PKD2L1: variants seen among roughly 807,000 people sequenced by gnomAD.
PKD2L1 encodes polycystin 2 like 1, transient receptor potential cation channel, also known as polycystin-2-like protein 1.
A neutral mutation model predicts 93.0 loss-of-function variants in PKD2L1; 77 were observed. The ratio of observed to expected loss-of-function variants is 0.83; its 90% CI spans 0.69 to 1.00. PKD2L1 has a LOEUF of 1.00. Among genes scored for constraint, PKD2L1 ranks in the 50% least tolerant of loss-of-function variants. The pLI is 0.00. For synonymous variants in PKD2L1, 390 were observed against 388.0 expected (o/e 1.01, Z -0.06); for missense variants, 977 against 990.9 (o/e 0.99, Z 0.19).
intron 15 of PKD2L1, 130 bp downstream of exon 15, chr10:100,288,842 C>G: frequency 3.4e-6 from 2 of 596,852 alleles, no homozygotes; most frequent in Non-Finnish European, 5.9e-6. Context: ...AGGCCAGATG[C>G]AGGGTGGGGC....
At chr10:100,321,108 G>A (rs1849216580) in intron 2 of PKD2L1, among the ~76,000 whole-genome samples, 1 of 152,178 alleles carries the variant, frequency 6.6e-6, no homozygotes, top group African/African-American at 2.4e-5. Flanking sequence ...CAGCACTTTG[G>A]GAAACTGAGG....
rs772968231 is a variant in PKD2L1 at position 100,294,623 on chromosome 10, A to G, written c.1571T>C (p.Phe524Ser). ...GGCATTGTCGATAGCATTGTAGTCAAAGTCCCCGAGGATTATCCGGAACTG... is the reference window on the plus strand; with the variant it reads ...GGCATTGTCGATAGCATTGTAGTCAGAGTCCCCGAGGATTATCCGGAACTG... ...FTQFRIILGD[F>S]DYNAIDNANR... The change falls in exon 9 of 16, where the codon TTT (phenylalanine) becomes TCT (serine). Residue 524 changes from phenylalanine to serine, a missense_variant. By Grantham distance (155) the Phe-to-Ser change is radical. Transcript: ENST00000318222. 4 of 1,614,084 alleles carry G rather than the reference A, an allele frequency of 2.5e-6. No homozygotes were observed. Among genetic ancestry groups the G allele is most frequent in the South Asian group, 1.1e-5 (1 of 91,070 alleles).
At position 100,294,999 on chromosome 10, in the gene PKD2L1, A is replaced by T; in HGVS notation, c.1481T>A (p.Leu494His). ...TTGGGTCCCGAAAAGCAGGTAGCCGAGTTGGGCATAGGCGAAGAAAACAAT... is the reference window on the plus strand; with the variant it reads ...TTGGGTCCCGAAAAGCAGGTAGCCGTGTTGGGCATAGGCGAAGAAAACAAT... ...FFIVFFAYAQ[L>H]GYLLFGTQVE... Residue 494 changes from leucine (L) to histidine (H), a missense_variant, in exon 8 of 16, where the codon CTC becomes CAC. Leu to His is a moderately conservative substitution (Grantham distance 99, BLOSUM62 -3). Coordinates refer to ENST00000318222, the MANE Select transcript of PKD2L1 (RefSeq NM_016112.3). 1 of 1,614,220 alleles carries T rather than the reference A, an allele frequency of 6.2e-7. No individual in the cohort carries two copies. Among genetic ancestry groups the T allele is most frequent in the Non-Finnish European group, 8.5e-7 (1 of 1,180,030 alleles).
At chr10:100,302,925 TG>T (rs1280601788) in intron 2 of PKD2L1, among the ~76,000 whole-genome samples, 4 of 152,220 alleles carry the variant, frequency 2.6e-5, no homozygotes, top group Non-Finnish European at 5.9e-5. Context: ...AGAATATCCT[TG>T]TTTTTTAGAA....
Position 100,290,093 on chromosome 10 carries a change from T to C in PKD2L1, c.2172A>G (p.Val724=). The C allele has an allele frequency of 1.2e-6, 2 of 1,614,054 alleles. No individual in the cohort carries two copies. The highest frequency in any genetic ancestry group is 1.7e-6 in the Non-Finnish European group (2 of 1,179,916). ...AGCCTACAGCATCAATCTGGGACACTACTCCTTCCAGGACAGTCTCCAGCT... is the reference window on the plus strand; with the variant it reads ...AGCCTACAGCATCAATCTGGGACACCACTCCTTCCAGGACAGTCTCCAGCT... ...VLQLETVLEG[V]VSQIDAVGSK... is the part of the protein sequence containing the mutation. The change falls in exon 14 of 16, where the codon GTA becomes GTG. Residue 724 remains valine (V), a synonymous_variant. Coordinates refer to ENST00000318222, the MANE Select transcript of PKD2L1 (RefSeq NM_016112.3).
chr10:100,326,843 C>T (rs752009580), intron 2 of PKD2L1, among the ~76,000 whole-genome samples: 4 of 152,132 alleles, frequency 2.6e-5, no homozygotes, highest in South Asian at 2.1e-4. Flanking sequence ...AAATTTGGAG[C>T]CCATGCCTTC....
At position 100,296,109 on chromosome 10, in the gene PKD2L1, G is replaced by C. The variant is rs1363599602; in HGVS notation, c.1356+13C>G. 11 of 1,598,420 alleles carry C rather than the reference G, an allele frequency of 6.9e-6. No individual in the cohort carries two copies. Among genetic ancestry groups the C allele is most frequent in the Non-Finnish European group, 2.6e-6 (3 of 1,172,914 alleles). ...CGCCTTGAAGCAAAGCTGGGTGTGG[G>C]AATCCCAGGTACCTTGATCCAGGCG... On this transcript the variant is annotated intron_variant, in intron 7 of 15. Coordinates refer to ENST00000318222, the MANE Select transcript of PKD2L1 (RefSeq NM_016112.3).
At chr10:100,323,793 G>T (rs977944281) in intron 2 of PKD2L1, among the ~76,000 whole-genome samples, 4 of 152,074 alleles carry the variant, frequency 2.6e-5, no homozygotes, top group African/African-American at 7.2e-5. Flanking sequence ...CTGAAAAGTT[G>T]TTTTTAATAC....
At chr10:100,296,316 T>C in intron 6 of PKD2L1, 24 bp from the exon 7 acceptor site, 1 of 1,542,722 alleles carries the variant, frequency 6.5e-7, no homozygotes, top group South Asian at 1.3e-5. Flanking sequence ...GTCATGGGGG[T>C]GTCAGAGAAG....
At chr10:100,323,276 A>G (rs1849302829) in intron 2 of PKD2L1, among the ~76,000 whole-genome samples, 1 of 152,014 alleles carries the variant, frequency 6.6e-6, no homozygotes. Context: ...CTTTTATTTT[A>G]TTTTATTTTT....
At position 100,297,302 on chromosome 10, in the gene PKD2L1, G is replaced by A; in HGVS notation, c.956+80C>T. ...TCTCCACCCCCACCACAGGGTAGGA[G>A]TTTAGGGAAGGGTCTCATGCACAAG... On this transcript the variant is annotated intron_variant, in intron 5 of 15. Coordinates refer to ENST00000318222, the MANE Select transcript of PKD2L1 (RefSeq NM_016112.3). 5 of 1,542,620 alleles carry A rather than the reference G, an allele frequency of 3.2e-6. No homozygotes were observed. In the South Asian group the frequency reaches 5.6e-5, roughly 17 times the overall value.
Position 100,295,071 on chromosome 10 carries a change from A to T in PKD2L1, c.1409T>A (p.Leu470Gln). The T allele has an allele frequency of 6.2e-7, 1 of 1,614,220 alleles. No homozygotes were observed. Among genetic ancestry groups the T allele is most frequent in the Non-Finnish European group, 8.5e-7 (1 of 1,180,024 alleles). The change falls in exon 8 of 16, where the codon CTG becomes CAG. Residue 470 changes from leucine to glutamine, a missense_variant. By Grantham distance (113) the Leu-to-Gln change is moderately radical. Transcript: ENST00000318222. ...NKTMTQLSST[L>Q]ARCAKDILGF... ...CAGGATGTCCTTGGCACAGCGGGCC[A>T]GCGTGGAGGAGAGCTGGGTCATGGT...
chr10:100,295,983 C>A, intron 7 of PKD2L1, 139 bp downstream of exon 7: 1 of 680,934 alleles, frequency 1.5e-6, no homozygotes, highest in South Asian at 2.0e-5. Flanking sequence ...TTGCAGTGAG[C>A]CAAGATCGCC....
intron 2 of PKD2L1, among the ~76,000 whole-genome samples, chr10:100,325,650 G>A (rs1849362261): frequency 6.6e-6 from 1 of 152,156 alleles, no homozygotes; most frequent in African/African-American, 2.4e-5. Context: ...TTTATTAAGA[G>A]TGCAATTCCA....
chr10:100,315,424 C>G (rs1849080764), intron 2 of PKD2L1, among the ~76,000 whole-genome samples: 1 of 152,138 alleles, frequency 6.6e-6, no homozygotes, highest in Non-Finnish European at 1.5e-5. Context: ...TCTCCCTCCC[C>G]TTGCCCCCTA....
At chr10:100,296,688 G>C (rs1292301864) in intron 6 of PKD2L1, among the ~76,000 whole-genome samples, 1 of 151,300 alleles carries the variant, frequency 6.6e-6, no homozygotes. Context: ...GGTTTCCACA[G>C]AACAGGTCAT....
At chr10:100,292,898 G>A (rs1471992131) in intron 11 of PKD2L1, 50 bp downstream of exon 11, 1 of 1,575,236 alleles carries the variant, frequency 6.3e-7, no homozygotes, top group Admixed American at 1.8e-5. Context: ...GTTGAGGGTT[G>A]AGGACTTAAG....
chr10:100,290,588 C>T lies in PKD2L1; in HGVS notation c.2008-69G>A, dbSNP rs1564878889. On this transcript the variant is annotated intron_variant, in intron 12 of 15. Coordinates refer to ENST00000318222, the MANE Select transcript of PKD2L1 (RefSeq NM_016112.3). ...GAAGCCATCAGCTCCTGTTCTATCA[C>T]CTACTCTACTGGGATCTCAGGACCA... 1.1e-5 allele frequency: 10 copies of T among 939,386 alleles called. No individual in the cohort carries two copies. The African/African-American group carries it at 1.3e-4, about 12-fold the overall frequency. 58.2% of individuals were successfully genotyped at this position (939,386 alleles called of 1,614,324 possible).
In PKD2L1 at chr10:100,330,053, A is replaced by G; in HGVS notation, c.51T>C (p.Ser17=). 18 of 1,605,270 alleles carry G rather than the reference A, an allele frequency of 1.1e-5. No homozygotes were observed. The highest frequency in any genetic ancestry group is 1.5e-5 in the Non-Finnish European group (18 of 1,174,638). ...TGTAGGCGGGGTTGTCCCAGGCTCCACTCCCCAGCTTTTGCAGCTCCTGCC... is the reference window on the plus strand; with the variant it reads ...TGTAGGCGGGGTTGTCCCAGGCTCCGCTCCCCAGCTTTTGCAGCTCCTGCC... ...PEGQELQKLG[S]GAWDNPAYSG... Residue 17 remains serine (S), a synonymous_variant, in exon 1 of 16, where the codon AGT becomes AGC. Coordinates refer to ENST00000318222, the MANE Select transcript of PKD2L1 (RefSeq NM_016112.3).
Sources: allele counts gnomAD v4.1 joint callset (sites outside exome capture counted in the v4.1 genomes callset), GRCh38; gene constraint gnomAD v4.1.1; transcripts MANE v1.5; gene names NCBI Gene and HGNC (gene_info 2026-07-23, HGNC 2026-07-21).